Variants in OSBP2 observed in about 807,000 individuals in gnomAD.
OSBP2 encodes oxysterol binding protein 2.
In OSBP2, 66 loss-of-function variants were observed where a neutral mutation model predicts 96.0. That is an observed-to-expected ratio of 0.69 (90% CI 0.56 to 0.84). The LOEUF (loss-of-function observed/expected upper bound fraction) is 0.84, where lower values mean the gene tolerates loss of function less well. Ranked by LOEUF, OSBP2 falls within the 40% of genes least tolerant of loss-of-function variation. The pLI, the probability that OSBP2 is intolerant of heterozygous loss-of-function variation, is 0.00. For missense variants in OSBP2, 1,038 were observed against 1,222.7 expected (o/e 0.85, Z 2.25); for synonymous variants, 525 against 520.9 (o/e 1.01, Z -0.11).
chr22:30,694,773 G>T (rs1483726360), upstream of OSBP2: 4 of 586,664 alleles, frequency 6.8e-6, no homozygotes, highest in South Asian at 7.4e-5. Flanking sequence ...TGACGGGCAC[G>T]GAGCGCACGG....
chr22:30,892,590 AAC>A (rs954680871), intron 8 of OSBP2, among the ~76,000 whole-genome samples: 11 of 152,106 alleles, frequency 7.2e-5, no homozygotes, highest in Admixed American at 2.0e-4. Context: ...GGCTTGGTGG[AAC>A]TGCCAGCAAG....
At chr22:30,734,499 TC>T (rs1241837453) in intron 1 of OSBP2, among the ~76,000 whole-genome samples, 1 of 152,192 alleles carries the variant, frequency 6.6e-6, no homozygotes, top group Non-Finnish European at 1.5e-5. Context: ...CTATTGGACT[TC>T]CCTGGAAGCT....
At position 30,793,877 on chromosome 22, in the gene OSBP2, A is replaced by G. The variant is rs369041250; in HGVS notation, c.853+52508A>G. Among the ~76,000 whole-genome samples the G allele has an allele frequency of 9.2e-5, 14 of 152,280 alleles. No individual in the cohort carries two copies. In the East Asian group the frequency reaches 2.5e-3, roughly 27 times the overall value. The stretch of plus-strand genomic sequence containing the variant: ...TGGTCTAAGTTGTACACCCATGTTC[A>G]TACAGCATTATTCACAGTAGCCCAA... On this transcript the variant is annotated intron_variant, in intron 2 of 13. Coordinates refer to ENST00000332585, the MANE Select transcript of OSBP2 (RefSeq NM_030758.4).
rs2039844309 is a variant in OSBP2 at position 30,887,694 on chromosome 22, C to G, written c.1300+76C>G. 9.6e-6 allele frequency: 12 copies of G among 1,255,662 alleles called. No homozygotes were observed. In the South Asian group the frequency reaches 1.5e-4, roughly 16 times the overall value. The allele number at this position is 1,255,662 out of a possible 1,614,324, so 77.8% of individuals were successfully genotyped here. The stretch of plus-strand genomic sequence containing the variant: ...TCTGCATACACAACTTCTGCGCCCC[C>G]ACATGCACATCCCTGGCTGTGCCCA... On this transcript the variant is annotated intron_variant, in intron 4 of 13. Coordinates refer to ENST00000332585, the MANE Select transcript of OSBP2 (RefSeq NM_030758.4).
chr22:30,857,414 G>A (rs2039101432), intron 2 of OSBP2, among the ~76,000 whole-genome samples: 2 of 152,210 alleles, frequency 1.3e-5, no homozygotes, highest in African/African-American at 2.4e-5. Context: ...GCTTTAAGCT[G>A]AGAACCCCAT....
At position 30,695,287 on chromosome 22, in the gene OSBP2, G is replaced by C. The variant is rs765653023; in HGVS notation, c.378G>C (p.Pro126=). Residue 126 remains proline (P), a synonymous_variant, in exon 1 of 14, where the codon CCG becomes CCC. Transcript: ENST00000332585. ...CCTTCACTAAGGCCGCATCGGAGCC[G>C]CTCTCCCGGGCGGTGGGGAGCGCGA... The part of the protein sequence containing the change: ...AGPFTKAASE[P]LSRAVGSATF... 6.2e-7 allele frequency: 1 copy of C among 1,613,276 alleles called. No homozygotes were observed. Among genetic ancestry groups the C allele is most frequent in the East Asian group, 2.2e-5 (1 of 44,872 alleles).
chr22:30,862,990 A>T (rs1290421204), intron 2 of OSBP2, among the ~76,000 whole-genome samples: 1 of 151,890 alleles, frequency 6.6e-6, no homozygotes, highest in African/African-American at 2.4e-5. Context: ...AAAAAGAAAA[A>T]ATAATCAACA....
intron 2 of OSBP2, among the ~76,000 whole-genome samples, chr22:30,852,921 G>A (rs1326176459): frequency 7.2e-5 from 11 of 151,936 alleles, no homozygotes; most frequent in Non-Finnish European, 1.2e-4. Context: ...CCATATATTC[G>A]GGGTTTTTTT....
intron 2 of OSBP2, among the ~76,000 whole-genome samples, chr22:30,816,597 C>T (rs1031182471): frequency 1.3e-5 from 2 of 152,228 alleles, no homozygotes; most frequent in African/African-American, 4.8e-5. Context: ...ACCTTCCAGG[C>T]TCAGCTCCCA....
chr22:30,835,656 T>A (rs1036724640), intron 2 of OSBP2, among the ~76,000 whole-genome samples: 1 of 152,096 alleles, frequency 6.6e-6, no homozygotes. Context: ...CACACTGAAG[T>A]CCTTAATGTA....
At chr22:30,840,823 T>A (rs1037536489) in intron 2 of OSBP2, among the ~76,000 whole-genome samples, 10 of 152,008 alleles carry the variant, frequency 6.6e-5, no homozygotes, top group Non-Finnish European at 1.5e-4. Context: ...TTTTTTTTTT[T>A]AACAGCTTTC....
intron 1 of OSBP2, among the ~76,000 whole-genome samples, chr22:30,740,728 C>T (rs1169105054): frequency 5.9e-5 from 9 of 152,266 alleles, no homozygotes; most frequent in Admixed American, 2.6e-4. Context: ...CTGCCCTCCT[C>T]GGTCTCCCAA....
intron 1 of OSBP2, among the ~76,000 whole-genome samples, chr22:30,717,088 TTTTGTGTG>T (rs955606272): frequency 3.0e-5 from 3 of 100,728 alleles, no homozygotes; most frequent in East Asian, 5.3e-4. Context: ...ATTTTACTGT[TTTTGTGTG>T]TGTGTGTGTG....
chr22:30,868,601 C>T (rs1181471739), intron 2 of OSBP2, among the ~76,000 whole-genome samples: 1 of 152,260 alleles, frequency 6.6e-6, no homozygotes, highest in Non-Finnish European at 1.5e-5. Context: ...CTGCTGGGGC[C>T]TCCATGAGAG....
At chr22:30,836,195 A>G (rs2038628817) in intron 2 of OSBP2, among the ~76,000 whole-genome samples, 1 of 152,140 alleles carries the variant, frequency 6.6e-6, no homozygotes, top group Non-Finnish European at 1.5e-5. Context: ...CCCCTGCTTT[A>G]GTACCACAGT....
intron 1 of OSBP2, among the ~76,000 whole-genome samples, chr22:30,719,767 A>G (rs1379909423): frequency 6.6e-6 from 1 of 151,672 alleles, no homozygotes; most frequent in East Asian, 1.9e-4. Context: ...AAAAAAAGAA[A>G]AAAAAAAAAA....
At chr22:30,758,305 G>A (rs900133346) in intron 2 of OSBP2, among the ~76,000 whole-genome samples, 1 of 152,140 alleles carries the variant, frequency 6.6e-6, no homozygotes, top group Non-Finnish European at 1.5e-5. Flanking sequence ...GGAGGCTGAG[G>A]TGTGATAATC....
chr22:30,845,595 G>T (rs1055525314), intron 2 of OSBP2, among the ~76,000 whole-genome samples: 1 of 151,312 alleles, frequency 6.6e-6, no homozygotes, highest in Non-Finnish European at 1.5e-5. Flanking sequence ...AAGTGGGGGT[G>T]GGGGACGGCC....
At chr22:30,782,959 CCTGATGAGCAATA>C (rs2145810906) in intron 2 of OSBP2, among the ~76,000 whole-genome samples, 2 of 152,148 alleles carry the variant, frequency 1.3e-5, no homozygotes, top group South Asian at 4.2e-4. Context: ...CACAGGTTCT[CCTGATGAGCAATA>C]CTTATTTTGC....
Sources: allele counts gnomAD v4.1 joint callset (sites outside exome capture counted in the v4.1 genomes callset), GRCh38; gene constraint gnomAD v4.1.1; transcripts MANE v1.5; gene names NCBI Gene and HGNC (gene_info 2026-07-23, HGNC 2026-07-21).